CACNG3: variants seen among roughly 807,000 people sequenced by gnomAD.
CACNG3 encodes calcium voltage-gated channel auxiliary subunit gamma 3.
A neutral mutation model predicts 28.5 loss-of-function variants in CACNG3; 3 were observed. The ratio of observed to expected loss-of-function variants is 0.11; its 90% CI spans 0.05 to 0.27. The LOEUF is 0.27. Among genes scored for constraint, CACNG3 ranks in the 10% least tolerant of loss-of-function variants. The pLI is 1.00. For synonymous variants in CACNG3, 174 were observed against 162.2 expected (o/e 1.07, Z -0.55); for missense variants, 236 against 414.4 (o/e 0.57, Z 3.74).
At chr16:24,287,758 C>A (rs1372000616) in intron 1 of CACNG3, among the ~76,000 whole-genome samples, 1 of 152,070 alleles carries the variant, frequency 6.6e-6, no homozygotes, top group Non-Finnish European at 1.5e-5. Flanking sequence ...CCTGAGGGAA[C>A]CTCTATAACA....
chr16:24,280,843 A>AAAAAG (rs1183381907), intron 1 of CACNG3, among the ~76,000 whole-genome samples: 1 of 151,210 alleles, frequency 6.6e-6, no homozygotes, highest in Non-Finnish European at 1.5e-5. Context: ...AAAAAAAAAA[A>AAAAAG]AAGACCAGAC....
chr16:24,308,572 AGGCCAGGCGCCGT>A (rs958662066), intron 1 of CACNG3, among the ~76,000 whole-genome samples: 14 of 152,100 alleles, frequency 9.2e-5, no homozygotes, highest in African/African-American at 3.4e-4. Flanking sequence ...TAATATTATC[AGGCCAGGCGCCGT>A]GGCTCACACC....
rs771845014 is a variant in CACNG3, at chr16:24,346,822, G to A, written c.295+5G>A. On this transcript the variant is annotated splice_donor_5th_base_variant and intron_variant, in intron 2 of 3. Coordinates refer to ENST00000005284, the MANE Select transcript of CACNG3 (RefSeq NM_006539.4). ...ACACAGCCGAATATCTCCTGCGTAA[G>A]TTCCCCGGCTTCTCGGGTCTCTCTG... The A allele has an allele frequency of 6.2e-7, 1 of 1,612,802 alleles. No individual in the cohort carries two copies. The highest frequency in any genetic ancestry group is 1.1e-5 in the South Asian group (1 of 91,036).
chr16:24,281,665 A>G (rs1898829842), intron 1 of CACNG3, among the ~76,000 whole-genome samples: 1 of 152,200 alleles, frequency 6.6e-6, no homozygotes, highest in Admixed American at 6.5e-5. Flanking sequence ...CTTAGGCCTG[A>G]GTCACGTGAT....
At chr16:24,352,601 C>T (rs1182273208) in intron 2 of CACNG3, among the ~76,000 whole-genome samples, 4 of 152,058 alleles carry the variant, frequency 2.6e-5, no homozygotes, top group African/African-American at 7.2e-5. Context: ...TGCAGTGGTA[C>T]GATCTCAGCT....
intron 1 of CACNG3, among the ~76,000 whole-genome samples, chr16:24,301,277 G>T (rs1038355511): frequency 2.0e-5 from 3 of 151,632 alleles, no homozygotes; most frequent in Non-Finnish European, 4.4e-5. Flanking sequence ...ATTAAAAAGG[G>T]GTCCCACATA....
At chr16:24,341,469 A>G (rs1899786187) in intron 1 of CACNG3, among the ~76,000 whole-genome samples, 1 of 152,140 alleles carries the variant, frequency 6.6e-6, no homozygotes, top group Non-Finnish European at 1.5e-5. Flanking sequence ...TTCCTACCAT[A>G]CTCCAGGAAC....
At chr16:24,299,748 G>A (rs369746841) in intron 1 of CACNG3, among the ~76,000 whole-genome samples, 9 of 152,090 alleles carry the variant, frequency 5.9e-5, no homozygotes, top group Non-Finnish European at 7.3e-5. Flanking sequence ...CCAGTATGAC[G>A]TGGTTCATTC....
At chr16:24,358,769 A>C (rs1900068723) in intron 3 of CACNG3, among the ~76,000 whole-genome samples, 1 of 152,148 alleles carries the variant, frequency 6.6e-6, no homozygotes, top group Admixed American at 6.5e-5. Context: ...ACCATTTTCT[A>C]TTAGGTTGAT....
chr16:24,362,198 G>GGATTTCCGAATCTCCATCAGGCGC lies in CACNG3; in HGVS notation c.*337_*360dup. On this transcript the variant is annotated 3_prime_UTR_variant, in exon 4 of 4. Coordinates refer to ENST00000005284, the MANE Select transcript of CACNG3 (RefSeq NM_006539.4). ...AAAAGTCACAGGTGGTGGCCAGGGG[G>GGATTTCCGAATCTCCATCAGGCGC]GATTTCCGAATCTCCATCAGGCGCG... 9.6e-6 allele frequency: 2 copies of GGATTTCCGAATCTCCATCAGGCGC among 208,860 alleles called. No homozygotes were observed. The highest frequency in any genetic ancestry group is 1.1e-4 in the Admixed American group (2 of 18,616). The allele number at this position is 208,860 out of a possible 1,614,324, so 12.9% of individuals were successfully genotyped here.
chr16:24,282,366 C>T (rs1898840997), intron 1 of CACNG3, among the ~76,000 whole-genome samples: 1 of 152,014 alleles, frequency 6.6e-6, no homozygotes, highest in African/African-American at 2.4e-5. Context: ...GCTAATCCTC[C>T]ACCCACACTT....
At chr16:24,275,036 G>T (rs1211638925) in intron 1 of CACNG3, among the ~76,000 whole-genome samples, 1 of 152,064 alleles carries the variant, frequency 6.6e-6, no homozygotes, top group African/African-American at 2.4e-5. Context: ...CCTTTTAAGG[G>T]ATTGGCAAGG....
chr16:24,275,355 C>T (rs1308701195), intron 1 of CACNG3, among the ~76,000 whole-genome samples: 3 of 152,114 alleles, frequency 2.0e-5, no homozygotes, highest in Non-Finnish European at 4.4e-5. Flanking sequence ...GAAGAAAATG[C>T]TAGCCTCACT....
intron 1 of CACNG3, among the ~76,000 whole-genome samples, chr16:24,290,538 G>A (rs1898952686): frequency 6.6e-6 from 1 of 152,216 alleles, no homozygotes; most frequent in South Asian, 2.1e-4. Context: ...CTGGACAAAT[G>A]ACTTAATGTC....
At position 24,341,889 on chromosome 16, in the gene CACNG3, C is replaced by T. The variant is rs572042940; in HGVS notation, c.212-4845C>T. Among the ~76,000 whole-genome samples, 25 of 152,268 alleles carry T rather than the reference C, an allele frequency of 1.6e-4. 1 individual carries two copies. Among genetic ancestry groups the T allele is most frequent in the Middle Eastern group, 3.4e-3 (1 of 294 alleles). On this transcript the variant is annotated intron_variant, in intron 1 of 3. Coordinates refer to ENST00000005284, the MANE Select transcript of CACNG3 (RefSeq NM_006539.4). ...ACGTCATCCAGGGATTCATTACTCC[C>T]GCATGGAAATGTGAGACAGAGGTCC... is the stretch of plus-strand genomic sequence containing the variant.
In CACNG3 at chr16:24,256,572, G is replaced by A. The variant is rs1433030731; in HGVS notation, c.-183G>A. On this transcript the variant is annotated 5_prime_UTR_variant, in exon 1 of 4. Transcript: ENST00000005284. The surrounding 1 kb of genome is among the most constrained non-coding windows in gnomAD (Gnocchi z 4.6). ...CTTCCGAGGGCCATAGGCGACCCAGGGAACTGGAGAGAGCTCCAGAAAGGA... is the reference window on the plus strand; with the variant it reads ...CTTCCGAGGGCCATAGGCGACCCAGAGAACTGGAGAGAGCTCCAGAAAGGA... 3 of 601,216 alleles carry A rather than the reference G, an allele frequency of 5.0e-6. No individual in the cohort carries two copies. The East Asian group carries it at 8.3e-5, about 17-fold the overall frequency. The allele number at this position is 601,216 out of a possible 1,614,324, so 37.2% of individuals were successfully genotyped here. A position where few individuals can be genotyped will look rare whatever the true frequency, so the allele number is the denominator to read the frequency against.
chr16:24,309,778 CAGA>C (rs1429352115), intron 1 of CACNG3, among the ~76,000 whole-genome samples: 2 of 152,102 alleles, frequency 1.3e-5, no homozygotes, highest in Admixed American at 6.6e-5. Context: ...AGTGGGAATA[CAGA>C]GGAGGAGATG....
rs778220680 is a variant in CACNG3 at position 24,328,574 on chromosome 16, TAAG to T, written c.212-18156_212-18154del. Among the ~76,000 whole-genome samples the T allele has an allele frequency of 2.6e-5, 4 of 151,298 alleles. No homozygotes were observed. In the East Asian group the frequency reaches 5.8e-4, roughly 22 times the overall value. On this transcript the variant is annotated intron_variant, in intron 1 of 3. Transcript: ENST00000005284. ...TCAGTGGTGCTTATAGTCTAGGAAA[TAAG>T]AAGTCAGAAAATAAACTAGGCAATA...
At chr16:24,297,491 A>C (rs1026500236) in intron 1 of CACNG3, among the ~76,000 whole-genome samples, 5 of 152,122 alleles carry the variant, frequency 3.3e-5, no homozygotes, top group Non-Finnish European at 2.9e-5. Flanking sequence ...GAGAGGACTT[A>C]GAACAAGCTG....
Sources: gnomAD v4.1 joint callset for allele counts (sites outside exome capture counted in the v4.1 genomes callset) on GRCh38, gnomAD v4.1.1 for gene constraint, Gnocchi (gnomAD v3.1) non-coding constraint, MANE v1.5 for transcripts, NCBI Gene and HGNC (gene_info 2026-07-23, HGNC 2026-07-21) for gene names.